Variants in DMKN observed in about 807,000 individuals in gnomAD.
DMKN encodes epidermis-specific secreted protein SK30/SK89.
DMKN carries 58 observed loss-of-function variants against 67.6 expected under a neutral mutation model. The ratio of observed to expected loss-of-function variants is 0.86; its 90% confidence interval spans 0.69 to 1.07. DMKN has a LOEUF of 1.07. DMKN is among the 50% of genes least tolerant of loss of function. The pLI is 0.00. For missense variants in DMKN, 596 were observed against 601.5 expected (o/e 0.99, Z 0.10); for synonymous variants, 240 against 232.3 (o/e 1.03, Z -0.30).
In DMKN at chr19:35,511,751, C is replaced by T; in HGVS notation, c.735+12G>A. On this transcript the variant is annotated intron_variant, in intron 4 of 15. Coordinates refer to ENST00000339686, the MANE Select transcript of DMKN (RefSeq NM_033317.5). ...CTGGTGCACAACTCCTGGGTTGCCC[C>T]TCTCCACTCACCCCAGAGTTGCTGG... 1 of 1,611,946 alleles carries T rather than the reference C, an allele frequency of 6.2e-7. No individual in the cohort carries two copies. The highest frequency in any genetic ancestry group is 2.2e-5 in the East Asian group (1 of 44,832).
rs188696848 is a variant in DMKN, at chr19:35,500,051, C to A, written c.1288-22G>T. ...AGTTCTGTGGAAGAAGTGGGCATGG[C>A]GGTTAGAACAGACGGACGAAGGCCA... On this transcript the variant is annotated intron_variant, in intron 12 of 15. Transcript: ENST00000339686. 8.3e-5 allele frequency: 134 copies of A among 1,613,964 alleles called. No homozygotes were observed. The African/African-American group carries it at 1.7e-3, about 20-fold the overall frequency.
At chr19:35,508,073 G>A (rs991431501) in intron 7 of DMKN, 34 of 1,217,542 alleles carry the variant, frequency 2.8e-5, no homozygotes, top group Middle Eastern at 1.9e-4. Context: ...GTACTTCCTC[G>A]TTCCCAGAGC....
At chr19:35,507,228 C>A in intron 7 of DMKN, 1 of 463,448 alleles carries the variant, frequency 2.2e-6, no homozygotes, top group Non-Finnish European at 3.9e-6. Flanking sequence ...TGTTTTCTCC[C>A]CTTACAAAAG....
chr19:35,499,071 T>G, intron 13 of DMKN, 174 bp from the exon 14 acceptor site: 1 of 808,240 alleles, frequency 1.2e-6, no homozygotes, highest in Non-Finnish European at 2.0e-6. Context: ...CACAGCACGT[T>G]TATCATCCTG....
At chr19:35,506,141 A>C in intron 7 of DMKN, 155 bp from the exon 8 acceptor site, 1 of 1,562,762 alleles carries the variant, frequency 6.4e-7, no homozygotes, top group Non-Finnish European at 8.6e-7. Flanking sequence ...TATTGACTCC[A>C]CCAACAGCGT....
chr19:35,505,576 A>G, intron 9 of DMKN, 142 bp downstream of exon 9: 1 of 1,034,604 alleles, frequency 9.7e-7, no homozygotes, highest in Non-Finnish European at 1.4e-6. Flanking sequence ...TCCCTCCTCC[A>G]CCCCCAGTGT....
intron 7 of DMKN, 60 bp downstream of exon 7, chr19:35,509,851 G>A: frequency 1.3e-6 from 2 of 1,588,920 alleles, no homozygotes; most frequent in Non-Finnish European, 8.6e-7. Flanking sequence ...TAGGAGGAGT[G>A]GGCACAGTCC....
chr19:35,508,162 A>G, intron 7 of DMKN: 3 of 1,551,258 alleles, frequency 1.9e-6, no homozygotes, highest in Non-Finnish European at 2.6e-6. Flanking sequence ...TACCCCACTT[A>G]CTACCGGCAC....
At chr19:35,504,818 G>A (rs2069129445) in intron 9 of DMKN, among the ~76,000 whole-genome samples, 1 of 151,828 alleles carries the variant, frequency 6.6e-6, no homozygotes, top group Non-Finnish European at 1.5e-5. Context: ...GACAGGTAGG[G>A]ACAGTCTGGC....
At chr19:35,503,305 G>C in intron 9 of DMKN, 2 of 1,528,704 alleles carry the variant, frequency 1.3e-6, no homozygotes. Context: ...GGCCAGGAGT[G>C]TGGGGCAGCT....
At chr19:35,504,946 T>G (rs1264422068) in intron 9 of DMKN, among the ~76,000 whole-genome samples, 1 of 151,160 alleles carries the variant, frequency 6.6e-6, no homozygotes, top group Non-Finnish European at 1.5e-5. Flanking sequence ...GTTACCAAAG[T>G]TTTTGAAAGA....
chr19:35,501,186 C>A (rs545708877), intron 11 of DMKN, among the ~76,000 whole-genome samples: 1 of 152,284 alleles, frequency 6.6e-6, no homozygotes, highest in South Asian at 2.1e-4. Flanking sequence ...GCCATCACGG[C>A]TTCTCCACTT....
At chr19:35,503,965 G>C (rs757994721) in intron 9 of DMKN, among the ~76,000 whole-genome samples, 1 of 152,072 alleles carries the variant, frequency 6.6e-6, no homozygotes, top group Non-Finnish European at 1.5e-5. Context: ...ATTACACTGC[G>C]TTCCCCTCTG....
rs1349053799 is a variant in DMKN, at chr19:35,512,462, G to C, written c.643C>G (p.Pro215Ala). 1 of 1,614,154 alleles carries C rather than the reference G, an allele frequency of 6.2e-7. No individual in the cohort carries two copies. Reference protein sequence around the residue: ...GTNTQGAVAQPGYGSVRASNQ... With the variant: ...GTNTQGAVAQAGYGSVRASNQ... ...CTGGCTCTCACTGAACCATAGCCAG[G>C]CTGGGCCACAGCTCCCTGCAGAGAG... The change falls in exon 3 of 16, where the codon CCT (proline) becomes GCT (alanine). Residue 215 changes from proline to alanine, a missense_variant. Physicochemically the swap from Pro to Ala is conservative, Grantham distance 27. Transcript: ENST00000339686.
rs146482806 is a variant in DMKN at position 35,503,269 on chromosome 19, C to T, written c.1135-383G>A. On this transcript the variant is annotated intron_variant, in intron 9 of 15. Coordinates refer to ENST00000339686, the MANE Select transcript of DMKN (RefSeq NM_033317.5). ...ACCCCTTCCACACCACCCTGGATAA[C>T]AGCGGAGACGTAAGAAAGGAGCAGA... 10 of 1,482,142 alleles carry T rather than the reference C, an allele frequency of 6.7e-6. No homozygotes were observed. In the African/African-American group the frequency reaches 1.4e-4, roughly 21 times the overall value. 91.8% of individuals were successfully genotyped at this position (1,482,142 alleles called of 1,614,324 possible).
Position 35,513,073 on chromosome 19 carries a change from C to T in DMKN, c.403G>A (p.Val135Met), listed in dbSNP as rs78344601. 12 of 1,613,840 alleles carry T rather than the reference C, an allele frequency of 7.4e-6. No individual in the cohort carries two copies. Among genetic ancestry groups the T allele is most frequent in the Non-Finnish European group, 1.0e-5 (12 of 1,180,034 alleles). Residue 135 changes from valine to methionine, a missense_variant, in exon 1 of 16, where the codon GTG (valine) becomes ATG (methionine). Physicochemically the swap from Val to Met is conservative, Grantham distance 21. Coordinates refer to ENST00000339686, the MANE Select transcript of DMKN (RefSeq NM_033317.5). ...ADAVRGSWQG[V>M]PGHNGAWETS... ...ACCCAAGCACCATTGTGGCCAGGCA[C>T]CCCCTGCCAGGAGCCGCGGACAGCA...
rs1305292235 is a variant in DMKN, at chr19:35,501,976, ACTCACGGCTTCTCCCT to A, written c.1239+144_1239+159del. 2.6e-6 allele frequency: 4 copies of A among 1,544,932 alleles called. No homozygotes were observed. The African/African-American group carries it at 5.5e-5, about 21-fold the overall frequency. ...GGTCCTCCCACCCTGCTCCTCAGTG[ACTCACGGCTTCTCCCT>A]CTCACCCCGCCCCCACTCGGGATTG... On this transcript the variant is annotated intron_variant, in intron 11 of 15. Coordinates refer to ENST00000339686, the MANE Select transcript of DMKN (RefSeq NM_033317.5).
In DMKN at chr19:35,507,492, T is replaced by C. The variant is rs2069803133; in HGVS notation, c.1039-1506A>G. ...GTCTCCAGAGCCTCCAAGGAGGCGATTGCCCTCTTTGCTTATTTCCTAGGG... is the reference window on the plus strand; with the variant it reads ...GTCTCCAGAGCCTCCAAGGAGGCGACTGCCCTCTTTGCTTATTTCCTAGGG... On this transcript the variant is annotated intron_variant, in intron 7 of 15. Coordinates refer to ENST00000339686, the MANE Select transcript of DMKN (RefSeq NM_033317.5). 1.9e-6 allele frequency: 3 copies of C among 1,551,364 alleles called. No individual in the cohort carries two copies. In the African/African-American group the frequency reaches 4.1e-5, roughly 21 times the overall value.
In DMKN at chr19:35,509,970, G is replaced by A. The variant is rs758219817; in HGVS notation, c.988-9C>T. On this transcript the variant is annotated splice_polypyrimidine_tract_variant and intron_variant, in intron 6 of 15. Coordinates refer to ENST00000339686, the MANE Select transcript of DMKN (RefSeq NM_033317.5). ...TTCCCTGGCTTTTCACACTGCCGGG[G>A]AGAGAAAGGGGAGACTTTCCCTCAG... is the stretch of plus-strand genomic sequence containing the variant. 1 of 1,614,106 alleles carries A rather than the reference G, an allele frequency of 6.2e-7. No homozygotes were observed. Among genetic ancestry groups the A allele is most frequent in the Admixed American group, 1.7e-5 (1 of 60,024 alleles).
Sources: gnomAD v4.1 joint callset for allele counts (sites outside exome capture counted in the v4.1 genomes callset) on GRCh38, gnomAD v4.1.1 for gene constraint, MANE v1.5 for transcripts, NCBI Gene and HGNC (gene_info 2026-07-23, HGNC 2026-07-21) for gene names.